Variants in CDH23 observed in about 807,000 individuals in gnomAD.
CDH23 encodes cadherin-23.
A neutral mutation model predicts 317.1 loss-of-function variants in CDH23; 189 were observed. The observed-to-expected ratio is 0.60, with a 90% CI of 0.53 to 0.67. CDH23 has a LOEUF of 0.67. Ranked by LOEUF, CDH23 falls within the 30% of genes least tolerant of loss-of-function variation. The pLI is 0.00. For missense variants in CDH23, 4,401 were observed against 4,592.4 expected, an observed-to-expected ratio of 0.96 and a Z score of 1.20; for synonymous variants, 1,839 against 1,876.8, an observed-to-expected ratio of 0.98 and a Z score of 0.52.
intron 9 of CDH23, among the ~76,000 whole-genome samples, chr10:71,598,818 G>C (rs375929113): frequency 6.6e-6 from 1 of 152,274 alleles, no homozygotes; most frequent in African/African-American, 2.4e-5. Context: ...TGAGCCAAGG[G>C]ATGGGAGCGT....
intron 52 of CDH23, 33 bp from the exon 53 acceptor site, chr10:71,800,603 T>C: frequency 1.9e-6 from 3 of 1,607,770 alleles, no homozygotes; most frequent in Non-Finnish European, 2.5e-6. Flanking sequence ...TTTTGAATGA[T>C]TGAAGGACCT....
In CDH23 at chr10:71,555,163, T is replaced by A. The variant is rs772935579; in HGVS notation, c.430-11579T>A. The stretch of plus-strand genomic sequence containing the variant: ...ATAGCTAAGAACTGGATTTCCCAAC[T>A]CATACCTTTATTCTTGGTTTCCTCC... On this transcript the variant is annotated intron_variant, in intron 6 of 69. Transcript: ENST00000224721. Among the ~76,000 whole-genome samples, 59 of 152,132 alleles carry A rather than the reference T, an allele frequency of 3.9e-4. 1 individual carries two copies. Among genetic ancestry groups the A allele is most frequent in the Admixed American group, 1.3e-4 (2 of 15,282 alleles).
rs774774091 is a variant in CDH23, at chr10:71,798,418, C to G, written c.6894C>G (p.Ile2298Met). The change falls in exon 50 of 70, where the codon ATC becomes ATG. Residue 2298 changes from isoleucine (I) to methionine (M), a missense_variant. This residue lies in a region of CDH23 where 3,068 missense variants were observed against 3,203.3 expected (regional missense o/e 0.96). Transcript: ENST00000224721. ...CGCCCCAGTTCAAGCCCTTTGGGAT[C>G]ACCTACTACATGGAGCGGATCCTGG... ...DNTPQFKPFG[I>M]TYYMERILEG... 1 of 1,613,986 alleles carries G rather than the reference C, an allele frequency of 6.2e-7. No individual in the cohort carries two copies. Among genetic ancestry groups the G allele is most frequent in the Non-Finnish European group, 8.5e-7 (1 of 1,179,860 alleles).
At chr10:71,781,110 C>T (rs558336443) in intron 41 of CDH23, among the ~76,000 whole-genome samples, 5 of 152,158 alleles carry the variant, frequency 3.3e-5, no homozygotes, top group Admixed American at 2.0e-4. Context: ...GGGCTGGAGA[C>T]GGGTATTTGG....
At chr10:71,430,008 G>A (rs2131978188) in intron 1 of CDH23, among the ~76,000 whole-genome samples, 1 of 152,344 alleles carries the variant, frequency 6.6e-6, no homozygotes, top group Middle Eastern at 3.4e-3. Flanking sequence ...CATTTGAGCT[G>A]TAAGGTGGGA....
chr10:71,762,153 C>G, intron 38 of CDH23: 1 of 1,093,632 alleles, frequency 9.1e-7, no homozygotes, highest in Admixed American at 2.9e-5. Flanking sequence ...CAGCTGACCT[C>G]CCTAAGACTG....
At chr10:71,582,317 C>A (rs1858697169) in intron 9 of CDH23, among the ~76,000 whole-genome samples, 1 of 151,802 alleles carries the variant, frequency 6.6e-6, no homozygotes, top group Non-Finnish European at 1.5e-5. Context: ...GATGTGCTGT[C>A]AATAAAACAC....
At chr10:71,417,171 G>A (rs1387909532) in intron 1 of CDH23, among the ~76,000 whole-genome samples, 1 of 151,502 alleles carries the variant, frequency 6.6e-6, no homozygotes, top group African/African-American at 2.4e-5. Flanking sequence ...CTGCTGCTCG[G>A]GTTCAAGTGA....
chr10:71,741,665 G>A, intron 37 of CDH23, 29 bp from the exon 38 acceptor site: 1 of 1,575,206 alleles, frequency 6.3e-7, no homozygotes, highest in South Asian at 1.2e-5. Flanking sequence ...CTTGAGTCCA[G>A]AATGACTGCT....
intron 6 of CDH23, among the ~76,000 whole-genome samples, chr10:71,554,148 A>G (rs2132323368): frequency 6.6e-6 from 1 of 152,308 alleles, no homozygotes; most frequent in Middle Eastern, 3.4e-3. Context: ...GTCTCCCATA[A>G]GCCTCACTGT....
At position 71,712,795 on chromosome 10, in the gene CDH23, A is replaced by G. The variant is rs1866031274; in HGVS notation, c.3351A>G (p.Glu1117=). ...YEASVPEDIP[E]GHSILQLKAT... ...CCAGCGTCCCTGAGGACATCCCTGA[A>G]GGCCACAGCATCTTGCAGGCAGGTG... The change falls in exon 28 of 70, where the codon GAA becomes GAG. Residue 1117 remains glutamate (E), a synonymous_variant. Transcript: ENST00000224721. The G allele has an allele frequency of 3.1e-6, 5 of 1,612,552 alleles. No homozygotes were observed. The South Asian group carries it at 3.3e-5, about 11-fold the overall frequency.
rs757331277 is a variant in CDH23, at chr10:71,761,905, G to A, written c.4846-15775G>A. 4 of 1,614,012 alleles carry A rather than the reference G, an allele frequency of 2.5e-6. No homozygotes were observed. In the East Asian group the frequency reaches 8.9e-5, roughly 36 times the overall value. On this transcript the variant is annotated intron_variant, in intron 38 of 69. Coordinates refer to ENST00000224721, the MANE Select transcript of CDH23 (RefSeq NM_022124.6). ...TCGAGCTGCGGTACCACGTCTTGTA[G>A]AAGGTCACATCGTGCCCTTTGTCCA...
At chr10:71,555,181 T>G (rs982454776) in intron 6 of CDH23, among the ~76,000 whole-genome samples, 5 of 152,100 alleles carry the variant, frequency 3.3e-5, no homozygotes, top group Admixed American at 3.3e-4. Context: ...TTATTCTTGG[T>G]TTCCTCCCAT....
intron 6 of CDH23, among the ~76,000 whole-genome samples, chr10:71,520,603 C>G (rs1393213528): frequency 1.3e-5 from 2 of 152,214 alleles, no homozygotes. Flanking sequence ...GCCTGAGTGT[C>G]CAGAACAGGG....
At chr10:71,729,882 T>G (rs1472276504) in intron 30 of CDH23, among the ~76,000 whole-genome samples, 1 of 151,976 alleles carries the variant, frequency 6.6e-6, no homozygotes, top group East Asian at 1.9e-4. Context: ...TTGCCCAGGC[T>G]GGAGTGCAGT....
intron 6 of CDH23, among the ~76,000 whole-genome samples, chr10:71,557,943 CT>C (rs1356613537): frequency 6.6e-6 from 1 of 152,024 alleles, no homozygotes; most frequent in East Asian, 1.9e-4. Flanking sequence ...GGGAGATTTT[CT>C]TATGTTACTT....
At chr10:71,678,275 A>G (rs951606266) in intron 16 of CDH23, among the ~76,000 whole-genome samples, 2 of 152,098 alleles carry the variant, frequency 1.3e-5, no homozygotes, top group Non-Finnish European at 2.9e-5. Flanking sequence ...GGAAGGAGCC[A>G]CAGAGACCAT....
chr10:71,482,418 T>C (rs1852116380), intron 3 of CDH23, among the ~76,000 whole-genome samples: 1 of 152,202 alleles, frequency 6.6e-6, no homozygotes, highest in Non-Finnish European at 1.5e-5. Context: ...GATACCTCTC[T>C]ATCTTCTTCT....
chr10:71,575,938 A>G (rs1187044366), intron 8 of CDH23, among the ~76,000 whole-genome samples: 1 of 152,242 alleles, frequency 6.6e-6, no homozygotes, highest in Non-Finnish European at 1.5e-5. Flanking sequence ...TACCCAAAAA[A>G]AGATGAAACC....
Sources: gnomAD v4.1 joint callset for allele counts (sites outside exome capture counted in the v4.1 genomes callset) on GRCh38, gnomAD v4.1.1 for gene constraint, gnomAD v4.1.1 regional missense constraint, MANE v1.5 for transcripts, NCBI Gene and HGNC (gene_info 2026-07-23, HGNC 2026-07-21) for gene names.